Variants in TANGO6 observed in about 807,000 individuals in gnomAD.
The protein encoded by TANGO6 is transport and golgi organization 6 homolog.
Under a neutral mutation model 114.2 loss-of-function variants are expected in TANGO6, and 90 were observed. The ratio of observed to expected loss-of-function variants is 0.79; its 90% CI spans 0.66 to 0.94. The LOEUF is 0.94. Ranked by LOEUF, TANGO6 falls within the 40% of genes least tolerant of loss-of-function variation. The pLI is 0.00. For synonymous variants in TANGO6, 477 were observed against 509.8 expected, an observed-to-expected ratio of 0.94 and a Z score of 0.87; for missense variants, 1,274 against 1,315.3, an observed-to-expected ratio of 0.97 and a Z score of 0.49.
intron 12 of TANGO6, among the ~76,000 whole-genome samples, chr16:68,922,559 AT>A (rs1366266227): frequency 1.3e-5 from 2 of 149,882 alleles, no homozygotes; most frequent in African/African-American, 5.0e-5. Flanking sequence ...AAAATTTATA[AT>A]TAAAAAAAAA....
chr16:68,988,245 T>C (rs1191404305), intron 15 of TANGO6, among the ~76,000 whole-genome samples: 1 of 152,248 alleles, frequency 6.6e-6, no homozygotes, highest in Non-Finnish European at 1.5e-5. Context: ...TGATCAGTTA[T>C]TCCTCCTCAT....
At chr16:69,031,512 G>A (rs181420874) in intron 16 of TANGO6, among the ~76,000 whole-genome samples, 106 of 151,998 alleles carry the variant, frequency 7.0e-4, no homozygotes, top group African/African-American at 2.0e-3. Context: ...ACCAGCCTGG[G>A]CAACATGGTT....
At chr16:68,919,019 A>G (rs1438856460) in intron 11 of TANGO6, 66 bp from the exon 12 acceptor site, 1 of 1,530,752 alleles carries the variant, frequency 6.5e-7, no homozygotes, top group Admixed American at 2.0e-5. Flanking sequence ...TAGACATAAG[A>G]TGTAAGGAGA....
In TANGO6 at chr16:68,927,827, A is replaced by C. The variant is rs1963188111; in HGVS notation, c.2387A>C (p.Glu796Ala). Residue 796 changes from glutamate to alanine, a missense_variant, in exon 13 of 18, where the codon GAA (glutamate) becomes GCA (alanine). Physicochemically the swap from Glu to Ala is moderately radical, Grantham distance 107 (BLOSUM62 -1). Around this residue, in one of 5 missense-constraint regions of TANGO6, gnomAD observed 908 missense variants for 910.2 expected, o/e 1.00. Transcript: ENST00000261778. ...ACTGATGTAGCTCATAGCCACCTTG[A>C]ACAACAGCAGAGCCATGAGACAGCC... ...RPTDVAHSHL[E>A]QQQSHETAPQ... 9 of 1,613,924 alleles carry C rather than the reference A, an allele frequency of 5.6e-6. No individual in the cohort carries two copies. The highest frequency in any genetic ancestry group is 5.9e-6 in the Non-Finnish European group (7 of 1,179,902).
At chr16:68,929,266 CTTGGAA>C (rs1160004299) in intron 13 of TANGO6, among the ~76,000 whole-genome samples, 18 of 152,202 alleles carry the variant, frequency 1.2e-4, no homozygotes, top group African/African-American at 4.1e-4. Context: ...CAATGAACAT[CTTGGAA>C]TTTTTTTTAG....
intron 6 of TANGO6, among the ~76,000 whole-genome samples, chr16:68,879,623 T>G (rs1227602113): frequency 6.6e-6 from 1 of 150,436 alleles, no homozygotes; most frequent in Admixed American, 6.6e-5. Context: ...TTCTTTCTTT[T>G]TTTTTTTTTT....
chr16:68,987,112 T>A (rs186837556), intron 15 of TANGO6, among the ~76,000 whole-genome samples: 47 of 151,830 alleles, frequency 3.1e-4, no homozygotes, highest in African/African-American at 1.1e-3. Context: ...ACAATTGACA[T>A]CATTTATTCA....
At chr16:69,059,727 G>T (rs1367400630) in intron 17 of TANGO6, among the ~76,000 whole-genome samples, 1 of 152,080 alleles carries the variant, frequency 6.6e-6, no homozygotes, top group African/African-American at 2.4e-5. Context: ...CACCATGTTG[G>T]CCTGGCCACT....
chr16:68,878,372 C>T (rs1339313846), intron 6 of TANGO6, 92 bp downstream of exon 6: 9 of 1,394,214 alleles, frequency 6.5e-6, no homozygotes, highest in Non-Finnish European at 8.5e-6. Context: ...TTATATCAGT[C>T]TCTTTAGTTT....
intron 17 of TANGO6, among the ~76,000 whole-genome samples, chr16:69,050,491 AT>A (rs1257183183): frequency 0.012 from 1,739 of 140,330 alleles, 8 homozygotes; most frequent in Admixed American, 0.018. Context: ...TGCCCAGCTA[AT>A]TTTTTTTTTT....
intron 14 of TANGO6, among the ~76,000 whole-genome samples, chr16:68,970,002 A>G (rs1002232885): frequency 6.6e-6 from 1 of 151,990 alleles, no homozygotes; most frequent in African/African-American, 2.4e-5. Context: ...GGGGAGGGGA[A>G]TTTATCTTTC....
At chr16:68,885,331 G>T (rs1030160672) in intron 7 of TANGO6, among the ~76,000 whole-genome samples, 4 of 152,120 alleles carry the variant, frequency 2.6e-5, no homozygotes, top group African/African-American at 9.7e-5. Context: ...CTCATTTCAA[G>T]TGTACAGCTC....
At chr16:68,931,576 TGAA>T (rs1963240258) in intron 14 of TANGO6, among the ~76,000 whole-genome samples, 1 of 152,134 alleles carries the variant, frequency 6.6e-6, no homozygotes, top group Non-Finnish European at 1.5e-5. Context: ...GCTATAAAAA[TGAA>T]GGACTGATAC....
At chr16:69,030,107 CAAA>C (rs529117472) in intron 16 of TANGO6, among the ~76,000 whole-genome samples, 9 of 62,522 alleles carry the variant, frequency 1.4e-4, no homozygotes, top group Admixed American at 2.0e-4. Flanking sequence ...GACTCTGACT[CAAA>C]AAAAAAAAAA....
chr16:68,859,750 G>T lies in TANGO6; in HGVS notation c.95-134G>T. On this transcript the variant is annotated intron_variant, in intron 1 of 17. Coordinates refer to ENST00000261778, the MANE Select transcript of TANGO6 (RefSeq NM_024562.2). ...TTCATAGGCTGGGTTGGTACCCCTG[G>T]GGGAGGCTTTCCAGAGCCAGTGACA... 4 of 1,003,984 alleles carry T rather than the reference G, an allele frequency of 4.0e-6. No homozygotes were observed. The South Asian group carries it at 7.4e-5, about 19-fold the overall frequency. The allele number at this position is 1,003,984 out of a possible 1,614,324, so 62.2% of individuals were successfully genotyped here.
intron 2 of TANGO6, among the ~76,000 whole-genome samples, chr16:68,862,490 C>G (rs1962110754): frequency 6.6e-6 from 1 of 152,172 alleles, no homozygotes; most frequent in African/African-American, 2.4e-5. Flanking sequence ...AGCCACCACG[C>G]CTGGCAGGAG....
chr16:69,068,578 G>A (rs181570796), intron 17 of TANGO6, among the ~76,000 whole-genome samples: 1 of 152,146 alleles, frequency 6.6e-6, no homozygotes, highest in African/African-American at 2.4e-5. Flanking sequence ...TGCATGTTAG[G>A]CTCTCTTCCA....
intron 4 of TANGO6, chr16:68,867,486 T>C: frequency 2.9e-6 from 1 of 342,134 alleles, no homozygotes; most frequent in South Asian, 4.6e-5. Flanking sequence ...TAATTTATAC[T>C]ATCTGGGGAA....
intron 14 of TANGO6, among the ~76,000 whole-genome samples, chr16:68,954,804 A>T (rs1214843343): frequency 2.6e-5 from 4 of 152,246 alleles, no homozygotes; most frequent in Admixed American, 2.6e-4. Context: ...ATTTTAGGCC[A>T]GTGGGTTTTA....
Sources: allele counts gnomAD v4.1 joint callset (sites outside exome capture counted in the v4.1 genomes callset), GRCh38; gene constraint gnomAD v4.1.1; regional missense constraint gnomAD v4.1.1; transcripts MANE v1.5; gene names NCBI Gene and HGNC (gene_info 2026-07-23, HGNC 2026-07-21).